Variants in TMEM126B observed in about 807,000 individuals in gnomAD.
TMEM126B encodes complex I assembly factor TMEM126B, mitochondrial.
In TMEM126B, 19 loss-of-function variants were observed where a neutral mutation model predicts 16.5. The observed-to-expected ratio is 1.15, with a 90% confidence interval of 0.80 to 1.69. The LOEUF (loss-of-function observed/expected upper bound fraction) is 1.69, where lower values mean the gene tolerates loss of function less well. Among genes scored for constraint, TMEM126B ranks in the 40% most tolerant of loss-of-function variants. The probability of loss-of-function intolerance (pLI) is 0.00; values close to 1 mark genes in which losing one functional copy is unlikely to be tolerated. For missense variants in TMEM126B, 293 were observed against 278.7 expected, an observed-to-expected ratio of 1.05 and a Z score of -0.37; for synonymous variants, 104 against 93.2, an observed-to-expected ratio of 1.12 and a Z score of -0.67.
chr11:85,628,633 G>A lies in TMEM126B; in HGVS notation c.26G>A (p.Gly9Glu), dbSNP rs997327667. The part of the protein sequence containing the change: MVVFGYEA[G>E]TKPRDSGVVP... Reference sequence around the variant, plus strand: ...ATGGTGGTGTTCGGGTATGAGGCTGGGACTAAGCCAAGGGATTCAGGTGTG... The same window carrying A: ...ATGGTGGTGTTCGGGTATGAGGCTGAGACTAAGCCAAGGGATTCAGGTGTG... Residue 9 changes from glycine to glutamate, a missense_variant, in exon 1 of 5, where the codon GGG becomes GAG. By Grantham distance (98) the Gly-to-Glu change is moderately conservative. Transcript: ENST00000358867. 3.3e-6 allele frequency: 5 copies of A among 1,536,136 alleles called. No homozygotes were observed. The highest frequency in any genetic ancestry group is 4.4e-6 in the Non-Finnish European group (5 of 1,146,894).
chr11:85,629,507 T>C (rs2082213503), intron 1 of TMEM126B, among the ~76,000 whole-genome samples: 1 of 152,202 alleles, frequency 6.6e-6, no homozygotes, highest in South Asian at 2.1e-4. Flanking sequence ...AGTATTTCAG[T>C]ATTTGCTGTC....
chr11:85,629,351 A>C, intron 1 of TMEM126B: 1 of 789,416 alleles, frequency 1.3e-6, no homozygotes, highest in Non-Finnish European at 1.9e-6. Context: ...TTTGCAAACT[A>C]TAAACCTACA....
In TMEM126B at chr11:85,636,100, G is replaced by A. The variant is rs765325329; in HGVS notation, c.564G>A (p.Thr188=). 3.2e-5 allele frequency: 51 copies of A among 1,610,250 alleles called. No homozygotes were observed. Among genetic ancestry groups the A allele is most frequent in the South Asian group, 2.2e-5 (2 of 90,206 alleles). Residue 188 remains threonine, a synonymous_variant, in exon 5 of 5, where the codon ACG becomes ACA. Coordinates refer to ENST00000358867, the MANE Select transcript of TMEM126B (RefSeq NM_018480.7). ...PKGRVLIHWM[T]LCQTQMKLMA... ...GAAGGGTTTTAATCCATTGGATGAC[G>A]CTTTGTCAAACACAAATGAAATTAA...
At chr11:85,633,066 T>C (rs927621816) in intron 2 of TMEM126B, among the ~76,000 whole-genome samples, 2 of 152,058 alleles carry the variant, frequency 1.3e-5, no homozygotes, top group African/African-American at 2.4e-5. Context: ...GGTTTTTTGT[T>C]CTTGCAATAG....
intron 4 of TMEM126B, 93 bp from the exon 5 acceptor site, chr11:85,635,953 A>G: frequency 7.3e-7 from 1 of 1,369,616 alleles, no homozygotes; most frequent in Non-Finnish European, 9.8e-7. Flanking sequence ...TACATTATAG[A>G]TCTAGAAAGG....
In TMEM126B at chr11:85,629,464, C is replaced by G. The variant is rs940542442; in HGVS notation, c.81+776C>G. Among the ~76,000 whole-genome samples, 3 of 152,264 alleles carry G rather than the reference C, an allele frequency of 2.0e-5. No homozygotes were observed. The South Asian group carries it at 6.2e-4, about 32-fold the overall frequency. On this transcript the variant is annotated intron_variant, in intron 1 of 4. Transcript: ENST00000358867. ...GAGTCTTTGACAGTGCCTTGCAAAG[C>G]TTAAGCACTCAAATATTTCCTGTGT...
At chr11:85,634,487 C>A in intron 3 of TMEM126B, 1 of 463,052 alleles carries the variant, frequency 2.2e-6, no homozygotes, top group Non-Finnish European at 3.8e-6. Flanking sequence ...GATAAGCAAC[C>A]CAAACTGAGG....
At chr11:85,633,143 T>C (rs552277644) in intron 2 of TMEM126B, among the ~76,000 whole-genome samples, 28 of 152,372 alleles carry the variant, frequency 1.8e-4, no homozygotes, top group Admixed American at 7.2e-4. Context: ...CATCATTTTT[T>C]ATGGCTGCAT....
intron 3 of TMEM126B, chr11:85,635,226 C>G (rs1241275182): frequency 6.6e-6 from 1 of 152,634 alleles, no homozygotes; most frequent in East Asian, 1.9e-4. Flanking sequence ...AGTTCGAGAC[C>G]AGCCTGGCCA....
intron 2 of TMEM126B, among the ~76,000 whole-genome samples, chr11:85,633,057 G>A (rs564156855): frequency 1.3e-5 from 2 of 151,756 alleles, no homozygotes; most frequent in Non-Finnish European, 2.9e-5. Flanking sequence ...GCGGTGTTTG[G>A]TTTTTTGTTC....
In TMEM126B at chr11:85,631,785, T is replaced by G; in HGVS notation, c.180T>G (p.Asn60Lys). 1 of 1,607,664 alleles carries G rather than the reference T, an allele frequency of 6.2e-7. No individual in the cohort carries two copies. The highest frequency in any genetic ancestry group is 8.5e-7 in the Non-Finnish European group (1 of 1,178,338). The change falls in exon 2 of 5, where the codon AAT (asparagine) becomes AAG (lysine). Residue 60 changes from asparagine to lysine, a missense_variant. Coordinates refer to ENST00000358867, the MANE Select transcript of TMEM126B (RefSeq NM_018480.7). ...TGGTCATAGAAATCATAGAAAAAAATTTTGACTATCTTAGAAAAGAAATGT... is the reference window on the plus strand; with the variant it reads ...TGGTCATAGAAATCATAGAAAAAAAGTTTGACTATCTTAGAAAAGAAATGT... The part of the protein sequence containing the change: ...RPMVIEIIEK[N>K]FDYLRKEMTQ...
In TMEM126B at chr11:85,636,378, A is replaced by G. The variant is rs2082405516; in HGVS notation, c.*149A>G. 8.5e-6 allele frequency: 4 copies of G among 471,826 alleles called. No individual in the cohort carries two copies. The highest frequency in any genetic ancestry group is 1.4e-5 in the Non-Finnish European group (4 of 279,692). 29.2% of individuals were successfully genotyped at this position (471,826 alleles called of 1,614,324 possible). On this transcript the variant is annotated 3_prime_UTR_variant, in exon 5 of 5. Transcript: ENST00000358867. ...ATAGCAAATACTCAAAAAGTATTCA[A>G]TAATTCAATCAATAAATATAAGTTT...
rs370114087 is a variant in TMEM126B, at chr11:85,631,138, T to C, written c.82-549T>C. The C allele has an allele frequency of 8.8e-5, 113 of 1,281,268 alleles. No homozygotes were observed. The East Asian group carries it at 2.5e-3, about 28-fold the overall frequency. 79.4% of individuals were successfully genotyped at this position (1,281,268 alleles called of 1,614,324 possible). ...AAGGCAATCCCTGCTCTCTCCTACC[T>C]CTCTAGGAAATGAAACACGATTTCC... On this transcript the variant is annotated intron_variant, in intron 1 of 4. Transcript: ENST00000358867.
upstream of TMEM126B, chr11:85,628,590 G>C: frequency 1.3e-6 from 2 of 1,528,114 alleles, no homozygotes; most frequent in African/African-American, 3.0e-5. Context: ...CCACCGGCAA[G>C]TCACATGAGC....
chr11:85,634,909 T>C (rs537459266), intron 3 of TMEM126B: 3 of 152,410 alleles, frequency 2.0e-5, no homozygotes, highest in Non-Finnish European at 4.4e-5. Flanking sequence ...ACATTCTCTA[T>C]ATAGTTTATC....
At chr11:85,629,266 A>C in intron 1 of TMEM126B, 1 of 1,285,912 alleles carries the variant, frequency 7.8e-7, no homozygotes, top group Non-Finnish European at 1.0e-6. Flanking sequence ...TCTAAAGGTG[A>C]AATTTATTAT....
intron 1 of TMEM126B, among the ~76,000 whole-genome samples, chr11:85,629,742 AT>A (rs2082229224): frequency 6.6e-6 from 1 of 152,346 alleles, no homozygotes; most frequent in Admixed American, 6.5e-5. Flanking sequence ...TCTTAGTACA[AT>A]AGATGGGTTA....
intron 2 of TMEM126B, among the ~76,000 whole-genome samples, chr11:85,633,375 G>A: frequency 6.6e-6 from 1 of 152,202 alleles, no homozygotes; most frequent in Non-Finnish European, 1.5e-5. Context: ...GAGGAATCGT[G>A]ACACTGACTT....
At chr11:85,630,001 AC>A (rs1317451915) in intron 1 of TMEM126B, among the ~76,000 whole-genome samples, 2 of 152,324 alleles carry the variant, frequency 1.3e-5, no homozygotes, top group East Asian at 3.9e-4. Context: ...AGGAGCTCAT[AC>A]CTTCTGTATG....
Sources: allele counts gnomAD v4.1 joint callset (sites outside exome capture counted in the v4.1 genomes callset), GRCh38; gene constraint gnomAD v4.1.1; transcripts MANE v1.5; gene names NCBI Gene and HGNC (gene_info 2026-07-23, HGNC 2026-07-21).